NPAS3: variants seen among roughly 807,000 people sequenced by gnomAD.
The protein encoded by NPAS3 is neuronal PAS domain-containing protein 3.
A neutral mutation model predicts 73.1 loss-of-function variants in NPAS3; 14 were observed. That is an observed-to-expected ratio of 0.19 (90% confidence interval 0.13 to 0.30). The LOEUF is 0.30. Ranked by LOEUF, NPAS3 falls within the 10% of genes least tolerant of loss-of-function variation. The pLI is 1.00. For missense variants in NPAS3, 1,096 were observed against 1,250.0 expected (o/e 0.88, Z 1.86); for synonymous variants, 620 against 541.5 (o/e 1.14, Z -2.01).
intron 2 of NPAS3, among the ~76,000 whole-genome samples, chr14:33,212,741 C>T (rs1566683222): frequency 6.6e-6 from 1 of 152,154 alleles, no homozygotes; most frequent in African/African-American, 2.4e-5. Flanking sequence ...ATTGCTTAAT[C>T]TTCTACTTTG....
At chr14:33,172,296 G>A (rs2045420530) in intron 2 of NPAS3, among the ~76,000 whole-genome samples, 3 of 152,330 alleles carry the variant, frequency 2.0e-5, no homozygotes, top group Middle Eastern at 3.4e-3. Flanking sequence ...GCACAGTGAA[G>A]CGAAATGCAG....
chr14:33,473,641 C>T (rs999139574), intron 4 of NPAS3, among the ~76,000 whole-genome samples: 1 of 152,058 alleles, frequency 6.6e-6, no homozygotes. Context: ...TTTTAGAAGG[C>T]AATGTGTTCT....
intron 5 of NPAS3, among the ~76,000 whole-genome samples, chr14:33,603,130 C>T (rs984041789): frequency 4.6e-5 from 7 of 152,148 alleles, no homozygotes; most frequent in Non-Finnish European, 8.8e-5. Context: ...TTACTACATT[C>T]CACATGTTCA....
chr14:33,088,825 A>T (rs2042122333), intron 2 of NPAS3, among the ~76,000 whole-genome samples: 1 of 152,196 alleles, frequency 6.6e-6, no homozygotes, highest in African/African-American at 2.4e-5. Context: ...TCTGAGACGA[A>T]GCTTCCAGAG....
chr14:32,995,831 A>G (rs1467940281), intron 1 of NPAS3, among the ~76,000 whole-genome samples: 2 of 152,188 alleles, frequency 1.3e-5, no homozygotes, highest in African/African-American at 4.8e-5. Flanking sequence ...TATCTTTATC[A>G]GCAGTGTGAA....
chr14:33,285,391 G>T (rs716193), intron 3 of NPAS3, among the ~76,000 whole-genome samples: 40,594 of 152,004 alleles, frequency 0.27, 5,896 homozygotes, highest in Middle Eastern at 0.35. Context: ...CTGGAGAATA[G>T]ACAGCATACT....
At chr14:33,449,445 G>A (rs2049683941) in intron 4 of NPAS3, among the ~76,000 whole-genome samples, 1 of 152,146 alleles carries the variant, frequency 6.6e-6, no homozygotes, top group Admixed American at 6.5e-5. Context: ...TGCAACGGAG[G>A]ATGTATGCCC....
intron 2 of NPAS3, among the ~76,000 whole-genome samples, chr14:33,124,529 C>A (rs1436135602): frequency 6.6e-6 from 1 of 151,990 alleles, no homozygotes; most frequent in Non-Finnish European, 1.5e-5. Context: ...CACATTAGAA[C>A]AATATTTGGC....
chr14:33,540,762 G>A (rs1281079816), intron 4 of NPAS3, among the ~76,000 whole-genome samples: 3 of 152,240 alleles, frequency 2.0e-5, no homozygotes, highest in South Asian at 2.1e-4. Context: ...GGAAGGGAAC[G>A]AGAAAATAAA....
intron 3 of NPAS3, among the ~76,000 whole-genome samples, chr14:33,232,861 A>G (rs987206766): frequency 5.4e-5 from 8 of 149,230 alleles, no homozygotes; most frequent in Non-Finnish European, 3.0e-5. Context: ...ATTTAAGTAC[A>G]GGTTTCTCAG....
intron 5 of NPAS3, 82 bp from the exon 6 acceptor site, chr14:33,676,129 G>GAATCTGAATC: frequency 7.2e-7 from 1 of 1,391,122 alleles, no homozygotes; most frequent in Non-Finnish European, 1.0e-6. Context: ...TTTCTACTCA[G>GAATCTGAATC]AATCTGAATC....
intron 2 of NPAS3, among the ~76,000 whole-genome samples, chr14:33,199,528 T>C: frequency 6.6e-6 from 1 of 152,208 alleles, no homozygotes; most frequent in East Asian, 1.9e-4. Flanking sequence ...TTACCTCAGT[T>C]TGGTGCTCAC....
chr14:33,605,606 AGAAT>A (rs2140019380), intron 5 of NPAS3, among the ~76,000 whole-genome samples: 1 of 152,320 alleles, frequency 6.6e-6, no homozygotes, highest in Non-Finnish European at 1.5e-5. Flanking sequence ...CAAGTTGAAA[AGAAT>A]AAGTCAGTAG....
chr14:33,251,221 G>A (rs2048571833), intron 3 of NPAS3, among the ~76,000 whole-genome samples: 1 of 152,086 alleles, frequency 6.6e-6, no homozygotes, highest in Non-Finnish European at 1.5e-5. Context: ...TCTTTTCCTA[G>A]CCGTTTTCCT....
chr14:33,423,106 G>A (rs73262748), intron 4 of NPAS3, among the ~76,000 whole-genome samples: 35 of 152,092 alleles, frequency 2.3e-4, no homozygotes, highest in Admixed American at 3.3e-4. Context: ...AGCAGAATCC[G>A]CTGGACATTT....
intron 4 of NPAS3, among the ~76,000 whole-genome samples, chr14:33,529,155 T>G (rs552896331): frequency 4.3e-4 from 65 of 152,226 alleles, no homozygotes; most frequent in African/African-American, 1.5e-3. Context: ...TCATCCTTTT[T>G]TGCTCTGGCC....
At chr14:33,228,889 C>A (rs1247752052) in intron 3 of NPAS3, among the ~76,000 whole-genome samples, 1 of 151,840 alleles carries the variant, frequency 6.6e-6, no homozygotes, top group African/African-American at 2.4e-5. Flanking sequence ...AATATGTATA[C>A]AGTACTTTCA....
chr14:33,776,521 TAAAAAAAAAAAAAAAAAAAAAAA>T (rs552348267), intron 8 of NPAS3, among the ~76,000 whole-genome samples: 23 of 32,060 alleles, frequency 7.2e-4, no homozygotes, highest in Admixed American at 5.4e-3. Flanking sequence ...TTCTTCCTCT[TAAAAAAAAAAAAAAAAAAAAAAA>T]AAAAAAAAAA....
intron 4 of NPAS3, among the ~76,000 whole-genome samples, chr14:33,391,036 A>G (rs749513248): frequency 3.3e-5 from 5 of 152,134 alleles, no homozygotes; most frequent in Non-Finnish European, 7.3e-5. Context: ...TGTATTATGT[A>G]TCCCTTTGAA....
Sources: allele counts gnomAD v4.1 joint callset (sites outside exome capture counted in the v4.1 genomes callset), GRCh38; gene constraint gnomAD v4.1.1; transcripts MANE v1.5; gene names NCBI Gene and HGNC (gene_info 2026-07-23, HGNC 2026-07-21).